The following NEK1 variants were observed in gnomAD, a reference collection of about 807,000 sequenced individuals.
NEK1 encodes the protein NIMA related kinase 1, also known as serine/threonine-protein kinase Nek1.
NEK1 carries 137 observed loss-of-function variants against 182.1 expected under a neutral mutation model. That is an observed-to-expected ratio of 0.75 (90% CI 0.65 to 0.87). NEK1 has a LOEUF of 0.87. NEK1 is among the 40% of genes least tolerant of loss of function. The pLI, the probability that NEK1 is intolerant of heterozygous loss-of-function variation, is 0.00. For missense variants in NEK1, 1,391 were observed against 1,494.4 expected, an observed-to-expected ratio of 0.93 and a Z score of 1.14; for synonymous variants, 513 against 492.2, an observed-to-expected ratio of 1.04 and a Z score of -0.56.
intron 19 of NEK1, among the ~76,000 whole-genome samples, chr4:169,518,137 G>A (rs1755421869): frequency 2.6e-5 from 1 of 38,586 alleles, no homozygotes; most frequent in Admixed American, 2.7e-4. Context: ...TCTGGTCCTG[G>A]ACTCTTTTTG....
chr4:169,569,889 A>G (rs1471585410), intron 12 of NEK1, among the ~76,000 whole-genome samples: 5 of 152,132 alleles, frequency 3.3e-5, no homozygotes, highest in Non-Finnish European at 5.9e-5. Flanking sequence ...AAGTGCCGAG[A>G]TTGTAGCCTC....
intron 31 of NEK1, among the ~76,000 whole-genome samples, chr4:169,419,195 T>C (rs1379367215): frequency 1.3e-5 from 2 of 152,070 alleles, no homozygotes; most frequent in African/African-American, 2.4e-5. Flanking sequence ...GAGAGAAAGA[T>C]ACTCTATATA....
chr4:169,539,430 A>C (rs1408198523), intron 18 of NEK1, among the ~76,000 whole-genome samples: 1 of 152,194 alleles, frequency 6.6e-6, no homozygotes, highest in Non-Finnish European at 1.5e-5. Context: ...CATGAGATTA[A>C]TAAGGTATAT....
chr4:169,413,489 G>C (rs1246705579), intron 31 of NEK1, among the ~76,000 whole-genome samples: 4 of 152,036 alleles, frequency 2.6e-5, no homozygotes, highest in African/African-American at 9.7e-5. Context: ...AGTTTTCCAG[G>C]CAAGTTTTCA....
At chr4:169,456,374 A>G (rs1579808861) in intron 27 of NEK1, among the ~76,000 whole-genome samples, 1 of 152,168 alleles carries the variant, frequency 6.6e-6, no homozygotes, top group African/African-American at 2.4e-5. Flanking sequence ...ATGAGTGCAG[A>G]AATAAATAAA....
At position 169,588,676 on chromosome 4, in the gene NEK1, C is replaced by T. The variant is rs759081396; in HGVS notation, c.524G>A (p.Cys175Tyr). Reference protein sequence around the residue: ...GTPYYLSPEICENKPYNNKSD... With the variant: ...GTPYYLSPEIYENKPYNNKSD... ...TTTATTATTGTAAGGTTTGTTTTCA[C>T]AGATTTCAGGTGACAAGTAGTATGG... is the stretch of plus-strand genomic sequence containing the variant. The change falls in exon 8 of 36, where the codon TGT becomes TAT. Residue 175 changes from cysteine to tyrosine, a missense_variant. Coordinates refer to ENST00000507142, the MANE Select transcript of NEK1 (RefSeq NM_001199397.3). The T allele has an allele frequency of 3.2e-6, 5 of 1,548,288 alleles. No individual in the cohort carries two copies. The South Asian group carries it at 4.8e-5, about 15-fold the overall frequency.
intron 27 of NEK1, among the ~76,000 whole-genome samples, chr4:169,461,859 A>G (rs887967326): frequency 6.6e-6 from 1 of 151,844 alleles, no homozygotes; most frequent in African/African-American, 2.4e-5. Context: ...TTTTTCCTTT[A>G]TAGCTTACCA....
chr4:169,601,670 A>G (rs1002947882), intron 4 of NEK1, among the ~76,000 whole-genome samples: 18 of 152,098 alleles, frequency 1.2e-4, no homozygotes, highest in Admixed American at 3.9e-4. Context: ...CACTTACTGC[A>G]TTGCTTCTTT....
At chr4:169,419,172 G>T (rs1735036709) in intron 31 of NEK1, among the ~76,000 whole-genome samples, 1 of 151,998 alleles carries the variant, frequency 6.6e-6, no homozygotes, top group Admixed American at 6.6e-5. Flanking sequence ...AAAGGAAACT[G>T]TAAAAGAAGC....
intron 10 of NEK1, among the ~76,000 whole-genome samples, chr4:169,582,695 CAAG>C (rs1156320836): frequency 6.6e-6 from 1 of 151,984 alleles, no homozygotes; most frequent in Non-Finnish European, 1.5e-5. Flanking sequence ...ATATAGAATC[CAAG>C]AAGATCCTGA....
Position 169,477,173 on chromosome 4 carries a change from C to T in NEK1, c.2385G>A (p.Val795=), listed in dbSNP as rs543759986. The change falls in exon 26 of 36, where the codon GTG becomes GTA. Residue 795 remains valine, a synonymous_variant. Coordinates refer to ENST00000507142, the MANE Select transcript of NEK1 (RefSeq NM_001199397.3). ...RKKWEAGGQL[V]IPLDELTLDT... ...CTAGTGTTAACTCATCCAGAGGAAT[C>T]ACAAGTTGACCTCCTGCCTCCCACT... The T allele has an allele frequency of 2.5e-5, 40 of 1,608,380 alleles. No homozygotes were observed. In the South Asian group the frequency reaches 4.0e-4, roughly 16 times the overall value.
chr4:169,429,315 C>T (rs1188783819), intron 29 of NEK1, among the ~76,000 whole-genome samples: 5 of 152,074 alleles, frequency 3.3e-5, no homozygotes, highest in African/African-American at 7.2e-5. Context: ...ATGAATATTC[C>T]TGCATTTGCT....
At chr4:169,515,102 G>A (rs1754925922) in intron 19 of NEK1, among the ~76,000 whole-genome samples, 1 of 152,130 alleles carries the variant, frequency 6.6e-6, no homozygotes, top group Admixed American at 6.5e-5. Context: ...TTATTTAAAA[G>A]TGTGTTAATT....
At chr4:169,526,039 T>C (rs1274317636) in intron 19 of NEK1, among the ~76,000 whole-genome samples, 1 of 152,126 alleles carries the variant, frequency 6.6e-6, no homozygotes, top group Non-Finnish European at 1.5e-5. Flanking sequence ...ATTAATAAGG[T>C]TCAGAGCAAA....
intron 29 of NEK1, among the ~76,000 whole-genome samples, chr4:169,431,877 GATAACA>G (rs1737509531): frequency 6.6e-6 from 1 of 150,668 alleles, no homozygotes; most frequent in South Asian, 2.1e-4. Context: ...AGATAAATAT[GATAACA>G]ATAAAAGATA....
chr4:169,426,102 T>A, intron 30 of NEK1, 44 bp downstream of exon 30: 1 of 1,421,738 alleles, frequency 7.0e-7, no homozygotes, highest in Admixed American at 1.8e-5. Flanking sequence ...TAATAATCAT[T>A]AACATCTTCC....
At position 169,492,136 on chromosome 4, in the gene NEK1, G is replaced by A. The variant is rs747324599; in HGVS notation, c.2008-12602C>T. Among the ~76,000 whole-genome samples the A allele has an allele frequency of 2.8e-4, 42 of 152,068 alleles. 1 individual carries two copies. Among genetic ancestry groups the A allele is most frequent in the Non-Finnish European group, 8.8e-5 (6 of 68,028 alleles). ...AACAATAACAAATGCAGTAGTACGT[G>A]CTTACCTATCAATAACAATCTTCAA... On this transcript the variant is annotated intron_variant, in intron 23 of 35. Coordinates refer to ENST00000507142, the MANE Select transcript of NEK1 (RefSeq NM_001199397.3).
At chr4:169,459,723 CA>C (rs1401078694) in intron 27 of NEK1, among the ~76,000 whole-genome samples, 3 of 152,172 alleles carry the variant, frequency 2.0e-5, no homozygotes, top group Non-Finnish European at 4.4e-5. Context: ...TATTGAGACA[CA>C]AAAAGATTAC....
intron 25 of NEK1, 27 bp downstream of exon 25, chr4:169,477,405 T>C (rs766023485): frequency 7.0e-6 from 11 of 1,581,842 alleles, no homozygotes; most frequent in Admixed American, 1.7e-5. Context: ...AGTAAAATGA[T>C]TGATAAACTT....
Sources: gnomAD v4.1 joint callset for allele counts (sites outside exome capture counted in the v4.1 genomes callset) on GRCh38, gnomAD v4.1.1 for gene constraint, MANE v1.5 for transcripts, NCBI Gene and HGNC (gene_info 2026-07-23, HGNC 2026-07-21) for gene names.